Variants in CEP295NL observed in about 807,000 individuals in gnomAD.
CEP295NL encodes the protein protein DDC8 homolog.
A neutral mutation model predicts 4.6 loss-of-function variants in CEP295NL; 3 were observed. That is an observed-to-expected ratio of 0.65 (90% CI 0.30 to 1.69). CEP295NL has a LOEUF of 1.69. Among genes scored for constraint, CEP295NL ranks in the 40% most tolerant of loss-of-function variants. The probability of loss-of-function intolerance (pLI) is 0.10; values close to 1 mark genes in which losing one functional copy is unlikely to be tolerated. For missense variants in CEP295NL, 719 were observed against 769.0 expected (o/e 0.93, Z 0.77); for synonymous variants, 295 against 312.2 (o/e 0.94, Z 0.58).
chr17:78,892,651 G>A lies in CEP295NL; in HGVS notation c.45-192C>T, dbSNP rs914278934. 3 of 778,590 alleles carry A rather than the reference G, an allele frequency of 3.9e-6. No homozygotes were observed. The African/African-American group carries it at 5.2e-5, about 14-fold the overall frequency. The allele number at this position is 778,590 out of a possible 1,614,324, so 48.2% of individuals were successfully genotyped here. On this transcript the variant is annotated intron_variant, in intron 2 of 2. Transcript: ENST00000322630. ...TTTCTGTCCTGTACACTTTTGACAA[G>A]AGCCTGTAGGGCAGCTGTTTTGAAC...
intron 2 of CEP295NL, 186 bp from the exon 3 acceptor site, chr17:78,892,645 T>A: frequency 1.2e-6 from 1 of 851,120 alleles, no homozygotes; most frequent in Non-Finnish European, 1.8e-6. Context: ...TGTACACTTT[T>A]GACAAGAGCC....
chr17:78,893,351 G>A (rs1035439732), intron 2 of CEP295NL, among the ~76,000 whole-genome samples: 1 of 147,278 alleles, frequency 6.8e-6, no homozygotes, highest in Admixed American at 6.7e-5. Flanking sequence ...GTGTGCAGGG[G>A]TGTGTGTGCA....
In CEP295NL at chr17:78,891,914, G is replaced by A. The variant is rs758910481; in HGVS notation, c.590C>T (p.Thr197Ile). The change falls in exon 3 of 3, where the codon ACA (threonine) becomes ATA (isoleucine). Residue 197 changes from threonine to isoleucine, a missense_variant. Coordinates refer to ENST00000322630, the MANE Select transcript of CEP295NL (RefSeq NM_001243540.2). This position sits in a 1 kb window ranked among gnomAD's most constrained non-coding sequence, Gnocchi z 4.5. Reference sequence around the variant, plus strand: ...CTGTGGTTTCTCTGGACTCGCTGCTGTCTTCCGGGGCCTGGAGTGCCTGGG... The same window carrying A: ...CTGTGGTTTCTCTGGACTCGCTGCTATCTTCCGGGGCCTGGAGTGCCTGGG... ...QHPRHSRPRK[T>I]AASPEKPQTT... 14 of 1,550,474 alleles carry A rather than the reference G, an allele frequency of 9.0e-6. No homozygotes were observed. The South Asian group carries it at 1.7e-4, about 18-fold the overall frequency.
At position 78,890,600 on chromosome 17, in the gene CEP295NL, T is replaced by G; in HGVS notation, c.*38A>C. 2.6e-6 allele frequency: 4 copies of G among 1,530,838 alleles called. No homozygotes were observed. The highest frequency in any genetic ancestry group is 3.5e-6 in the Non-Finnish European group (4 of 1,134,116). 94.8% of individuals were successfully genotyped at this position (1,530,838 alleles called of 1,614,324 possible). ...CGGGTACCAGTGCTGGCAGCACCAT[T>G]ATCAGTGATGTATTTACCCCGGGTG... On this transcript the variant is annotated 3_prime_UTR_variant, in exon 3 of 3. Transcript: ENST00000322630.
chr17:78,892,519 C>G, intron 2 of CEP295NL, 60 bp from the exon 3 acceptor site: 8 of 1,484,436 alleles, frequency 5.4e-6, no homozygotes, highest in Non-Finnish European at 3.6e-6. Flanking sequence ...GTGAGCAAAG[C>G]CCTGGAGACA....
At chr17:78,898,188 A>T (rs938388197) in intron 2 of CEP295NL, 1 of 151,882 alleles carries the variant, frequency 6.6e-6, no homozygotes, top group Non-Finnish European at 1.5e-5. Flanking sequence ...TTTCACGTAC[A>T]CCTCTCTCCA....
At chr17:78,902,726 C>T (rs2070114227) in intron 1 of CEP295NL, 1 of 152,270 alleles carries the variant, frequency 6.6e-6, no homozygotes, top group African/African-American at 2.4e-5. Flanking sequence ...GCTGATGCAA[C>T]CGGTGGCTCA....
Position 78,891,633 on chromosome 17 carries a change from C to A in CEP295NL, c.871G>T (p.Ala291Ser). The change falls in exon 3 of 3, where the codon GCC becomes TCC. Residue 291 changes from alanine (A) to serine (S), a missense_variant. Physicochemically the swap from Ala to Ser is moderately conservative, Grantham distance 99 (BLOSUM62 1). Coordinates refer to ENST00000322630, the MANE Select transcript of CEP295NL (RefSeq NM_001243540.2). The surrounding 1 kb of genome is among the most constrained non-coding windows in gnomAD (Gnocchi z 4.5). ...LGKGAVCFVP[A>S]LTSRSQGQSL... ...TGTCCCTGAGAGCGACTGGTCAGGG[C>A]TGGAACAAAGCAAACTGCCCCCTTT... is the stretch of plus-strand genomic sequence containing the variant. 1.3e-6 allele frequency: 2 copies of A among 1,550,970 alleles called. No individual in the cohort carries two copies. Among genetic ancestry groups the A allele is most frequent in the Non-Finnish European group, 1.7e-6 (2 of 1,147,096 alleles).
Position 78,892,709 on chromosome 17 carries a change from C to CG in CEP295NL, c.45-251_45-250insC, listed in dbSNP as rs2069920450. Among the ~76,000 whole-genome samples, 7 of 152,318 alleles carry CG rather than the reference C, an allele frequency of 4.6e-5. 1 individual carries two copies. The South Asian group carries it at 1.5e-3, about 32-fold the overall frequency. On this transcript the variant is annotated intron_variant, in intron 2 of 2. Transcript: ENST00000322630. ...GGTGTTGTTTCCCAGGGGACATTGG[C>CG]AATGTCTGGAAACATTTTCTATTGT...
At chr17:78,899,376 C>G (rs969872758) in intron 2 of CEP295NL, 4 of 152,474 alleles carry the variant, frequency 2.6e-5, no homozygotes, top group African/African-American at 9.6e-5. Flanking sequence ...CAGCATCCCC[C>G]ATGTGATTCC....
rs1037234759 is a variant in CEP295NL, at chr17:78,891,874, C to A, written c.630G>T (p.Thr210=). 6 of 1,550,658 alleles carry A rather than the reference C, an allele frequency of 3.9e-6. No individual in the cohort carries two copies. In the East Asian group the frequency reaches 1.2e-4, roughly 32 times the overall value. ...SPEKPQTTKA[T]GRMNSHLAPP... is the part of the protein sequence containing the mutation. The stretch of plus-strand genomic sequence containing the variant: ...GGGCCAGGTGAGAATTCATCCGACC[C>A]GTGGCTTTTGTAGTCTGTGGTTTCT... The change falls in exon 3 of 3, where the codon ACG becomes ACT. Residue 210 remains threonine (T), a synonymous_variant. Transcript: ENST00000322630. The surrounding 1 kb of genome is among the most constrained non-coding windows in gnomAD (Gnocchi z 4.5).
At position 78,890,736 on chromosome 17, in the gene CEP295NL, G is replaced by T. The variant is rs759440158; in HGVS notation, c.1768C>A (p.Arg590=). The stretch of plus-strand genomic sequence containing the variant: ...TGTAAGATCTGCTGCTGCTGGTCTC[G>T]GATCATCTGACTGTGCCGGTCGTCG... ...ADDDRHSQMI[R]DQQQQILQQN... The change falls in exon 3 of 3, where the codon CGA becomes AGA. Residue 590 remains arginine (R), a synonymous_variant. Coordinates refer to ENST00000322630, the MANE Select transcript of CEP295NL (RefSeq NM_001243540.2). 2 of 1,550,628 alleles carry T rather than the reference G, an allele frequency of 1.3e-6. No individual in the cohort carries two copies. The highest frequency in any genetic ancestry group is 1.7e-6 in the Non-Finnish European group (2 of 1,147,002).
chr17:78,895,450 G>A (rs919867908), intron 2 of CEP295NL, among the ~76,000 whole-genome samples: 6 of 152,120 alleles, frequency 3.9e-5, no homozygotes, highest in East Asian at 3.9e-4. Flanking sequence ...CCACTCCAAC[G>A]GCTGTCGTCA....
Position 78,891,164 on chromosome 17 carries a change from C to T in CEP295NL, c.1340G>A (p.Ser447Asn). 1 of 1,550,666 alleles carries T rather than the reference C, an allele frequency of 6.4e-7. No homozygotes were observed. The highest frequency in any genetic ancestry group is 1.2e-5 in the South Asian group (1 of 84,066). The change falls in exon 3 of 3, where the codon AGT (serine) becomes AAT (asparagine). Residue 447 changes from serine to asparagine, a missense_variant. By Grantham distance (46) the Ser-to-Asn change is conservative. Transcript: ENST00000322630. The surrounding 1 kb of genome is among the most constrained non-coding windows in gnomAD (Gnocchi z 4.5). The stretch of plus-strand genomic sequence containing the variant: ...ACCTGCCTCGGGAGACAATGTTTGA[C>T]TTCCATTTCTAAACGTGGGCTTGAC... ...GTVKPTFRNG[S>N]QTLSPEAGIF...
chr17:78,898,170 T>C (rs1386556733), intron 2 of CEP295NL: 1 of 152,256 alleles, frequency 6.6e-6, no homozygotes, highest in African/African-American at 2.4e-5. Context: ...TTTCATACTC[T>C]TCCGGCATTT....
intron 2 of CEP295NL, among the ~76,000 whole-genome samples, chr17:78,894,052 C>G (rs1468850833): frequency 6.6e-6 from 1 of 152,176 alleles, no homozygotes; most frequent in South Asian, 2.1e-4. Flanking sequence ...GTAGTTGCAG[C>G]TGAAGTCACA....
In CEP295NL at chr17:78,891,247, G is replaced by A. The variant is rs1485151598; in HGVS notation, c.1257C>T (p.Ser419=). 4 of 1,550,496 alleles carry A rather than the reference G, an allele frequency of 2.6e-6. No homozygotes were observed. The highest frequency in any genetic ancestry group is 2.7e-5 in the African/African-American group (2 of 73,018). ...CCATGAACGTTTTCAAGTCGGTCTT[G>A]GACGCTGCCTGCTGCGCCTCCTCCT... ...PAEEEAQQAA[S]KTDLKTFMGK... Residue 419 remains serine (S), a synonymous_variant, in exon 3 of 3, where the codon TCC becomes TCT. Transcript: ENST00000322630. The surrounding 1 kb of genome is among the most constrained non-coding windows in gnomAD (Gnocchi z 4.5).
Position 78,891,535 on chromosome 17 carries a change from C to T in CEP295NL, c.969G>A (p.Val323=). The T allele has an allele frequency of 6.4e-7, 1 of 1,551,078 alleles. No homozygotes were observed. Among genetic ancestry groups the T allele is most frequent in the Non-Finnish European group, 8.7e-7 (1 of 1,147,106 alleles). Residue 323 remains valine (V), a synonymous_variant, in exon 3 of 3, where the codon GTG becomes GTA. Coordinates refer to ENST00000322630, the MANE Select transcript of CEP295NL (RefSeq NM_001243540.2). The surrounding 1 kb of genome is among the most constrained non-coding windows in gnomAD (Gnocchi z 4.5). The stretch of plus-strand genomic sequence containing the variant: ...GGAGCGTGCACTGAGATGCTGGGGA[C>T]ACGGCTTCCCTTCTGCAGCTGGAAT... ...PADSSCRREA[V]SPASQCTLRE...
Position 78,896,503 on chromosome 17 carries a change from G to A in CEP295NL, c.45-4044C>T, listed in dbSNP as rs1463405317. ...CTCCCAGAGGCACCTGCCCTCTCTG[G>A]TTGCTTAGAATATTCTAGAAGGGGC... On this transcript the variant is annotated intron_variant, in intron 2 of 2. Coordinates refer to ENST00000322630, the MANE Select transcript of CEP295NL (RefSeq NM_001243540.2). This position sits in a 1 kb window ranked among gnomAD's most constrained non-coding sequence, Gnocchi z 4.4. 6.6e-6 allele frequency among the ~76,000 whole-genome samples: 1 copy of A among 152,150 alleles called. No individual in the cohort carries two copies.
Sources: gnomAD v4.1 joint callset for allele counts (sites outside exome capture counted in the v4.1 genomes callset) on GRCh38, gnomAD v4.1.1 for gene constraint, Gnocchi (gnomAD v3.1) non-coding constraint, MANE v1.5 for transcripts, NCBI Gene and HGNC (gene_info 2026-07-23, HGNC 2026-07-21) for gene names.